The following RC3H2 variants were observed in gnomAD, a reference collection of about 807,000 sequenced individuals.
RC3H2 encodes ring finger and CCCH-type domains 2.
Under a neutral mutation model 133.3 loss-of-function variants are expected in RC3H2, and 31 were observed. That is an observed-to-expected ratio of 0.23 (90% CI 0.17 to 0.31). The LOEUF (loss-of-function observed/expected upper bound fraction) is 0.31. Ranked by LOEUF, RC3H2 falls within the 10% of genes least tolerant of loss-of-function variation. The pLI is 1.00. For synonymous variants in RC3H2, 517 were observed against 502.2 expected (o/e 1.03, Z -0.40); for missense variants, 1,175 against 1,437.2 (o/e 0.82, Z 2.95).
At chr9:122,874,384 A>C (rs1221771518) in intron 9 of RC3H2, 1 of 152,168 alleles carries the variant, frequency 6.6e-6, no homozygotes, top group African/African-American at 2.4e-5. Flanking sequence ...ATAGGAAGAT[A>C]CTGGATAAAA....
At position 122,846,289 on chromosome 9, in the gene RC3H2, T is replaced by G. The variant is rs1829866605; in HGVS notation, c.*3338A>C. 1 of 152,176 alleles carries G rather than the reference T, an allele frequency of 6.6e-6. No individual in the cohort carries two copies. The highest frequency in any genetic ancestry group is 1.5e-5 in the Non-Finnish European group (1 of 68,004). The allele number at this position is 152,176 out of a possible 1,614,324, so 9.4% of individuals were successfully genotyped here. ...TTCTTTTATTATCCTCTTACTAGAA[T>G]AAATAGCTATGATGGGAAGGAAAAA... is the stretch of plus-strand genomic sequence containing the variant. On this transcript the variant is annotated 3_prime_UTR_variant, in exon 21 of 21. Coordinates refer to ENST00000357244, the MANE Select transcript of RC3H2 (RefSeq NM_001100588.3).
chr9:122,905,057 G>A (rs1384630009), intron 1 of RC3H2, 53 bp downstream of exon 1: 2 of 980,068 alleles, frequency 2.0e-6, no homozygotes, highest in Non-Finnish European at 2.4e-6. Context: ...GACCGCCGGG[G>A]ACCAGGCACC....
intron 9 of RC3H2, among the ~76,000 whole-genome samples, chr9:122,876,268 G>A (rs1831332505): frequency 6.6e-6 from 1 of 152,056 alleles, no homozygotes. Flanking sequence ...AGGAGGAGGA[G>A]GTATGGGAGA....
chr9:122,857,864 A>AT (rs1180605695), intron 13 of RC3H2, 59 bp downstream of exon 13: 26 of 1,463,526 alleles, frequency 1.8e-5, no homozygotes, highest in African/African-American at 1.4e-4. Flanking sequence ...TGAATGAGTA[A>AT]TTTGAAGTCA....
chr9:122,875,302 T>C, intron 9 of RC3H2: 1 of 1,550,612 alleles, frequency 6.4e-7, no homozygotes, highest in African/African-American at 1.4e-5. Context: ...GCTCATTATG[T>C]ACAGTGCCCA....
At chr9:122,900,398 T>C (rs1832610179) in intron 1 of RC3H2, among the ~76,000 whole-genome samples, 1 of 152,162 alleles carries the variant, frequency 6.6e-6, no homozygotes. Context: ...AGTAATATTA[T>C]CAGTAAATCC....
At chr9:122,862,943 T>C (rs530583573) in intron 10 of RC3H2, among the ~76,000 whole-genome samples, 29 of 147,534 alleles carry the variant, frequency 2.0e-4, no homozygotes, top group Non-Finnish European at 3.3e-4. Context: ...TGTTAAAAAA[T>C]TGAGATACAG....
chr9:122,875,004 T>C, intron 9 of RC3H2: 3 of 677,174 alleles, frequency 4.4e-6, no homozygotes, highest in South Asian at 7.0e-5. Context: ...TTCTCTGACT[T>C]TTTTAGTCGA....
In RC3H2 at chr9:122,849,463, A is replaced by T; in HGVS notation, c.*164T>A. ...TTTCTTTTTTTTTTTCATAATGCTA[A>T]TGCAAGAGGGCTTGAAGTATCAAAG... On this transcript the variant is annotated 3_prime_UTR_variant, in exon 21 of 21. Transcript: ENST00000357244. 4.6e-6 allele frequency: 1 copy of T among 217,638 alleles called. No individual in the cohort carries two copies. Among genetic ancestry groups the T allele is most frequent in the Non-Finnish European group, 8.7e-6 (1 of 115,524 alleles). 13.5% of individuals were successfully genotyped at this position (217,638 alleles called of 1,614,324 possible).
intron 13 of RC3H2, among the ~76,000 whole-genome samples, chr9:122,857,511 T>G (rs1429729331): frequency 6.6e-6 from 1 of 152,222 alleles, no homozygotes; most frequent in Non-Finnish European, 1.5e-5. Flanking sequence ...TTGGGCAAAT[T>G]ACTTAACTTC....
At position 122,865,801 on chromosome 9, in the gene RC3H2, G is replaced by A. The variant is rs565232351; in HGVS notation, c.1326-144C>T. ...TTCTTCAGCTAAATAATCAAATACA[G>A]TCTATATCAAATTCTACTGCAACAG... is the stretch of plus-strand genomic sequence containing the variant. On this transcript the variant is annotated intron_variant, in intron 9 of 20. Transcript: ENST00000357244. 142 of 644,596 alleles carry A rather than the reference G, an allele frequency of 2.2e-4. No individual in the cohort carries two copies. In the Middle Eastern group the frequency reaches 2.5e-3, roughly 11 times the overall value. The allele number at this position is 644,596 out of a possible 1,614,324, so 39.9% of individuals were successfully genotyped here.
chr9:122,886,550 A>G (rs538004544), intron 4 of RC3H2, among the ~76,000 whole-genome samples: 1 of 152,290 alleles, frequency 6.6e-6, no homozygotes, highest in East Asian at 1.9e-4. Context: ...GTTATGTTCC[A>G]TTTTAAAAAT....
rs752529785 is a variant in RC3H2 at position 122,879,883 on chromosome 9, G to A, written c.1094-10C>T. 1 of 1,612,744 alleles carries A rather than the reference G, an allele frequency of 6.2e-7. No homozygotes were observed. The highest frequency in any genetic ancestry group is 8.5e-7 in the Non-Finnish European group (1 of 1,178,900). On this transcript the variant is annotated splice_polypyrimidine_tract_variant and intron_variant, in intron 7 of 20. Coordinates refer to ENST00000357244, the MANE Select transcript of RC3H2 (RefSeq NM_001100588.3). ...GTTGGTGAAACAGCGTCTAAAATAA[G>A]CCACCAAGGGCATGGGGGTTGGGGG...
intron 4 of RC3H2, among the ~76,000 whole-genome samples, chr9:122,884,443 C>T (rs1348866640): frequency 6.6e-6 from 1 of 152,156 alleles, no homozygotes; most frequent in African/African-American, 2.4e-5. Flanking sequence ...ATGATATTAG[C>T]CTCTGAATGC....
At chr9:122,867,533 T>G (rs1399714511) in intron 9 of RC3H2, among the ~76,000 whole-genome samples, 1 of 17,410 alleles carries the variant, frequency 5.7e-5, no homozygotes. Context: ...GCCTATCGTC[T>G]GGGACGTGAG....
Position 122,865,752 on chromosome 9 carries a change from G to C in RC3H2, c.1326-95C>G. 2.5e-5 allele frequency: 27 copies of C among 1,071,374 alleles called. No homozygotes were observed. In the South Asian group the frequency reaches 4.1e-4, roughly 16 times the overall value. 66.4% of individuals were successfully genotyped at this position (1,071,374 alleles called of 1,614,324 possible). On this transcript the variant is annotated intron_variant, in intron 9 of 20. Coordinates refer to ENST00000357244, the MANE Select transcript of RC3H2 (RefSeq NM_001100588.3). ...GGGCAATGGGAATAGATTGAAAAAG[G>C]AGGAAACAGTTTTGACAAAAAGTTT...
intron 9 of RC3H2, among the ~76,000 whole-genome samples, chr9:122,873,272 C>T (rs1831179467): frequency 6.6e-6 from 1 of 152,140 alleles, no homozygotes; most frequent in South Asian, 2.1e-4. Context: ...CTTTTCTAAT[C>T]CTTTGTATTA....
intron 1 of RC3H2, among the ~76,000 whole-genome samples, chr9:122,900,472 C>T (rs991681309): frequency 3.9e-5 from 6 of 152,052 alleles, no homozygotes; most frequent in African/African-American, 1.4e-4. Context: ...AAACTTCATT[C>T]CTTCAAAACA....
chr9:122,852,869 G>A (rs1434260390), intron 18 of RC3H2, among the ~76,000 whole-genome samples: 5 of 152,280 alleles, frequency 3.3e-5, no homozygotes, highest in South Asian at 4.1e-4. Flanking sequence ...CCACCACCCC[G>A]TCTGGGAGGT....
Sources: allele counts gnomAD v4.1 joint callset (sites outside exome capture counted in the v4.1 genomes callset), GRCh38; gene constraint gnomAD v4.1.1; transcripts MANE v1.5; gene names NCBI Gene and HGNC (gene_info 2026-07-23, HGNC 2026-07-21).